GALNT5: variants seen among roughly 807,000 people sequenced by gnomAD.
GALNT5 encodes the protein polypeptide N-acetylgalactosaminyltransferase 5.
GALNT5 carries 72 observed loss-of-function variants against 85.4 expected under a neutral mutation model. The observed-to-expected ratio is 0.84, with a 90% CI of 0.70 to 1.03. GALNT5 has a LOEUF of 1.03. Ranked by LOEUF, GALNT5 falls within the 50% of genes least tolerant of loss-of-function variation. The pLI is 0.00. For synonymous variants in GALNT5, 404 were observed against 397.0 expected (o/e 1.02, Z -0.21); for missense variants, 1,137 against 1,135.5 (o/e 1.00, Z -0.02).
Position 157,258,165 on chromosome 2 carries a change from T to G in GALNT5, c.83T>G (p.Phe28Cys). Reference sequence around the variant, plus strand: ...GTAGCTTCTGTCATCTGGCTCCTCTTTGACATGGCAGCTCTCCGCCTCTCA... The same window carrying G: ...GTAGCTTCTGTCATCTGGCTCCTCTGTGACATGGCAGCTCTCCGCCTCTCA... ...IFVASVIWLL[F>C]DMAALRLSFS... Residue 28 changes from phenylalanine to cysteine, a missense_variant, in exon 1 of 10, where the codon TTT (phenylalanine) becomes TGT (cysteine). By Grantham distance (205) the Phe-to-Cys change is radical (BLOSUM62 -2). Coordinates refer to ENST00000259056, the MANE Select transcript of GALNT5 (RefSeq NM_014568.3). 1.2e-6 allele frequency: 2 copies of G among 1,614,070 alleles called. No individual in the cohort carries two copies. Among genetic ancestry groups the G allele is most frequent in the Non-Finnish European group, 1.7e-6 (2 of 1,179,988 alleles).
intron 1 of GALNT5, among the ~76,000 whole-genome samples, chr2:157,280,755 G>A (rs113378264): frequency 2.0e-5 from 3 of 152,168 alleles, no homozygotes; most frequent in African/African-American, 7.2e-5. Flanking sequence ...GGAGGTACTG[G>A]ATCACGGAGG....
chr2:157,271,164 G>A (rs918893943), intron 1 of GALNT5, among the ~76,000 whole-genome samples: 1 of 152,002 alleles, frequency 6.6e-6, no homozygotes, highest in Non-Finnish European at 1.5e-5. Context: ...GAATATTTAA[G>A]ATAGGAACTA....
Position 157,284,331 on chromosome 2 carries a change from A to G in GALNT5, c.1504A>G (p.Met502Val). The G allele has an allele frequency of 1.2e-6, 2 of 1,613,988 alleles. No homozygotes were observed. The highest frequency in any genetic ancestry group is 1.7e-6 in the Non-Finnish European group (2 of 1,179,902). Reference protein sequence around the residue: ...HNNLPTTSVIMCFVDEVWSTL... With the variant: ...HNNLPTTSVIVCFVDEVWSTL... ...TAACCTCCCAACCACCAGTGTCATC[A>G]TGTGCTTTGTGGATGAAGTGTGGTC... Residue 502 changes from methionine (M) to valine (V), a missense_variant, in exon 2 of 10, where the codon ATG (methionine) becomes GTG (valine). Coordinates refer to ENST00000259056, the MANE Select transcript of GALNT5 (RefSeq NM_014568.3).
At chr2:157,270,526 T>C (rs1017770050) in intron 1 of GALNT5, among the ~76,000 whole-genome samples, 3 of 152,250 alleles carry the variant, frequency 2.0e-5, no homozygotes, top group Non-Finnish European at 2.9e-5. Context: ...CCCATGTGCA[T>C]AAATATATTT....
At chr2:157,294,299 G>C (rs1468349982) in intron 3 of GALNT5, among the ~76,000 whole-genome samples, 2 of 152,146 alleles carry the variant, frequency 1.3e-5, no homozygotes, top group Non-Finnish European at 2.9e-5. Flanking sequence ...TGATGGATCA[G>C]AGCAGAACAG....
At chr2:157,299,438 T>C (rs1176828587) in intron 5 of GALNT5, 110 bp from the exon 6 acceptor site, 1 of 656,458 alleles carries the variant, frequency 1.5e-6, no homozygotes, top group Admixed American at 2.6e-5. Flanking sequence ...CTGCATCAGG[T>C]AGCTATTCTG....
At chr2:157,291,553 T>C (rs1032276010) in intron 3 of GALNT5, among the ~76,000 whole-genome samples, 3 of 152,178 alleles carry the variant, frequency 2.0e-5, no homozygotes, top group South Asian at 4.1e-4. Flanking sequence ...TCCAGGCTGG[T>C]ACACTGGATA....
rs1558902919 is a variant in GALNT5, at chr2:157,300,835, C to A, written c.2275C>A (p.Leu759Met). The A allele has an allele frequency of 1.2e-6, 2 of 1,614,034 alleles. No homozygotes were observed. Among genetic ancestry groups the A allele is most frequent in the East Asian group, 2.2e-5 (1 of 44,846 alleles). Residue 759 changes from leucine (L) to methionine (M), a missense_variant, in exon 7 of 10, where the codon CTG becomes ATG. By Grantham distance (15) the Leu-to-Met change is conservative. Transcript: ENST00000259056. ...GGTCTGGCTGGATGAGTATAAGGAG[C>A]TGTTCTATGGCCACGGAGACCACCT... ...AEVWLDEYKE[L>M]FYGHGDHLID... is the part of the protein sequence containing the mutation.
At chr2:157,296,303 T>C (rs1683212219) in intron 4 of GALNT5, 91 bp from the exon 5 acceptor site, 1 of 955,084 alleles carries the variant, frequency 1.0e-6, no homozygotes, top group Non-Finnish European at 1.6e-6. Context: ...CTTGTTTCAT[T>C]CATTTGATTA....
intron 9 of GALNT5, among the ~76,000 whole-genome samples, chr2:157,310,123 A>G (rs1683538163): frequency 6.6e-6 from 1 of 152,162 alleles, no homozygotes; most frequent in African/African-American, 2.4e-5. Context: ...CTTAAGCGGT[A>G]AGCTGATTTG....
Position 157,280,384 on chromosome 2 carries a change from CAG to C in GALNT5, c.1455-3888_1455-3887del, listed in dbSNP as rs199928955. 7.3e-3 allele frequency among the ~76,000 whole-genome samples: 1,105 copies of C among 152,152 alleles called. 7 individuals are homozygous for C. Among genetic ancestry groups the C allele is most frequent in the Middle Eastern group, 0.014 (4 of 294 alleles). ...CACAGAGGAGAAAGTGATGTGAAGA[CAG>C]AGAGAGAGATTTGAGTGATTCAACA... On this transcript the variant is annotated intron_variant, in intron 1 of 9. Coordinates refer to ENST00000259056, the MANE Select transcript of GALNT5 (RefSeq NM_014568.3).
intron 4 of GALNT5, 111 bp downstream of exon 4, chr2:157,295,909 T>C (rs537215595): frequency 2.1e-4 from 162 of 754,134 alleles, no homozygotes; most frequent in Non-Finnish European, 3.0e-4. Context: ...CCAAGACATA[T>C]ACAGTTTATC....
rs1222500941 is a variant in GALNT5, at chr2:157,295,718, A to C, written c.1797A>C (p.Glu599Asp). Residue 599 changes from glutamate (E) to aspartate (D), a missense_variant, in exon 4 of 10, where the codon GAA becomes GAC. Transcript: ENST00000259056. Reference sequence around the variant, plus strand: ...TGGAATGTAACGTTGGTTGGTTGGAACCTCTTCTGGAAAGAGTTTATTTAA... The same window carrying C: ...TGGAATGTAACGTTGGTTGGTTGGACCCTCTTCTGGAAAGAGTTTATTTAA... ...SHVECNVGWL[E>D]PLLERVYLSR... 6.2e-7 allele frequency: 1 copy of C among 1,611,936 alleles called. No homozygotes were observed. Among genetic ancestry groups the C allele is most frequent in the South Asian group, 1.1e-5 (1 of 91,000 alleles).
Position 157,300,880 on chromosome 2 carries a change from G to T in GALNT5, c.2320G>T (p.Val774Phe), listed in dbSNP as rs1262160482. 6.2e-7 allele frequency: 1 copy of T among 1,613,896 alleles called. No individual in the cohort carries two copies. Among genetic ancestry groups the T allele is most frequent in the African/African-American group, 1.3e-5 (1 of 74,924 alleles). The change falls in exon 7 of 10, where the codon GTT becomes TTT. Residue 774 changes from valine to phenylalanine, a missense_variant. Physicochemically the swap from Val to Phe is conservative, Grantham distance 50. Transcript: ENST00000259056. ...GDHLIDQGLD[V>F]GNLTQQRELR... ...CCACCTCATCGACCAAGGGCTAGAT[G>T]TTGGCAACCTCACCCAGCAAAGGGA...
At position 157,286,116 on chromosome 2, in the gene GALNT5, G is replaced by A. The variant is rs1473043542; in HGVS notation, c.1723G>A (p.Gly575Arg). 1 of 1,613,564 alleles carries A rather than the reference G, an allele frequency of 6.2e-7. No individual in the cohort carries two copies. Among genetic ancestry groups the A allele is most frequent in the Admixed American group, 1.7e-5 (1 of 60,026 alleles). ...RHGLIRARLA[G>R]AQNATGDVLT... ...TGGCTTAATAAGGGCCAGGCTGGCA[G>A]GAGCACAGAATGCAACAGGTAAGAA... Residue 575 changes from glycine (G) to arginine (R), a missense_variant, in exon 3 of 10, where the codon GGA becomes AGA. Coordinates refer to ENST00000259056, the MANE Select transcript of GALNT5 (RefSeq NM_014568.3).
At position 157,311,402 on chromosome 2, in the gene GALNT5, C is replaced by A; in HGVS notation, c.*54C>A. The stretch of plus-strand genomic sequence containing the variant: ...CCCATTAAATACTGTGAAAATAACA[C>A]TGAACTTGGAAACTATATTTCTCAG... On this transcript the variant is annotated 3_prime_UTR_variant, in exon 10 of 10. Coordinates refer to ENST00000259056, the MANE Select transcript of GALNT5 (RefSeq NM_014568.3). 1 of 1,169,672 alleles carries A rather than the reference C, an allele frequency of 8.5e-7. No homozygotes were observed. The allele number at this position is 1,169,672 out of a possible 1,614,324, so 72.5% of individuals were successfully genotyped here. A position where few individuals can be genotyped will look rare whatever the true frequency, so the allele number is the denominator to read the frequency against.
intron 6 of GALNT5, 85 bp downstream of exon 6, chr2:157,299,750 A>G (rs1574031969): frequency 1.5e-6 from 1 of 677,236 alleles, no homozygotes; most frequent in Non-Finnish European, 2.5e-6. Flanking sequence ...ATAATCAGGT[A>G]TGTGACTGCC....
At chr2:157,284,144 AGAT>A in intron 1 of GALNT5, 135 bp from the exon 2 acceptor site, 1 of 642,828 alleles carries the variant, frequency 1.6e-6, no homozygotes. Context: ...ATATATAAAT[AGAT>A]GATAGATAGA....
At chr2:157,289,762 A>G (rs1683054642) in intron 3 of GALNT5, among the ~76,000 whole-genome samples, 1 of 152,084 alleles carries the variant, frequency 6.6e-6, no homozygotes, top group Non-Finnish European at 1.5e-5. Context: ...TAAAACACAA[A>G]CCCATTTTTA....
Sources: gnomAD v4.1 joint callset for allele counts (sites outside exome capture counted in the v4.1 genomes callset) on GRCh38, gnomAD v4.1.1 for gene constraint, MANE v1.5 for transcripts, NCBI Gene and HGNC (gene_info 2026-07-23, HGNC 2026-07-21) for gene names.